EXOC6: variants seen among roughly 807,000 people sequenced by gnomAD.
The protein encoded by EXOC6 is SEC15-like 1.
EXOC6 carries 60 observed loss-of-function variants against 112.5 expected under a neutral mutation model. The ratio of observed to expected loss-of-function variants is 0.53; its 90% confidence interval spans 0.43 to 0.66. EXOC6 has a LOEUF of 0.66. Among genes scored for constraint, EXOC6 ranks in the 30% least tolerant of loss-of-function variants. The probability of loss-of-function intolerance (pLI) is 0.00; values close to 1 mark genes in which losing one functional copy is unlikely to be tolerated. For synonymous variants in EXOC6, 295 were observed against 308.0 expected, an observed-to-expected ratio of 0.96 and a Z score of 0.44; for missense variants, 855 against 957.1, an observed-to-expected ratio of 0.89 and a Z score of 1.41.
In EXOC6 at chr10:93,024,638, G is replaced by A. The variant is rs192715631; in HGVS notation, c.2169+10371G>A. Reference sequence around the variant, plus strand: ...CCACCATGTTGGCCAGGCTGGTTGCGAACTCCTGACCTCAGGTGATCCACC... The same window carrying A: ...CCACCATGTTGGCCAGGCTGGTTGCAAACTCCTGACCTCAGGTGATCCACC... On this transcript the variant is annotated intron_variant, in intron 20 of 21. Coordinates refer to ENST00000260762, the MANE Select transcript of EXOC6 (RefSeq NM_019053.6). 2.4e-3 allele frequency among the ~76,000 whole-genome samples: 364 copies of A among 152,156 alleles called. 1 individual carries two copies. Among genetic ancestry groups the A allele is most frequent in the African/African-American group, 7.9e-3 (330 of 41,512 alleles).
chr10:92,977,583 G>C (rs1842676182), intron 18 of EXOC6, among the ~76,000 whole-genome samples: 1 of 152,032 alleles, frequency 6.6e-6, no homozygotes, highest in Non-Finnish European at 1.5e-5. Flanking sequence ...TATACTAAAT[G>C]ATTGTTAAAT....
chr10:92,990,915 A>G (rs1843206744), intron 18 of EXOC6, among the ~76,000 whole-genome samples: 1 of 152,110 alleles, frequency 6.6e-6, no homozygotes, highest in Admixed American at 6.5e-5. Flanking sequence ...AGACTCTGAG[A>G]GTCAATATCA....
chr10:92,852,918 G>A (rs1847420064), intron 1 of EXOC6, among the ~76,000 whole-genome samples: 1 of 151,942 alleles, frequency 6.6e-6, no homozygotes, highest in Non-Finnish European at 1.5e-5. Flanking sequence ...TATAAGGCCG[G>A]TATAATAAGA....
chr10:92,930,558 A>G (rs1011580316), intron 9 of EXOC6, among the ~76,000 whole-genome samples: 5 of 151,898 alleles, frequency 3.3e-5, no homozygotes, highest in African/African-American at 9.7e-5. Flanking sequence ...TACAAAGTCT[A>G]TCCTCTGACT....
intron 19 of EXOC6, among the ~76,000 whole-genome samples, chr10:93,009,917 A>T (rs1196010335): frequency 6.6e-6 from 1 of 152,258 alleles, no homozygotes; most frequent in Non-Finnish European, 1.5e-5. Flanking sequence ...CACAAGTCAC[A>T]TCTGTGTAAA....
chr10:92,834,600 GT>G (rs1397050658), upstream of EXOC6: 1 of 633,794 alleles, frequency 1.6e-6, no homozygotes, highest in Admixed American at 3.1e-5. Flanking sequence ...CAGTGAGCTT[GT>G]TTTTGTTGCT....
chr10:92,983,823 A>G (rs1842912183), intron 18 of EXOC6, among the ~76,000 whole-genome samples: 1 of 152,098 alleles, frequency 6.6e-6, no homozygotes, highest in South Asian at 2.1e-4. Context: ...TTTATATAAA[A>G]TAGTTATACT....
intron 20 of EXOC6, among the ~76,000 whole-genome samples, chr10:93,045,696 T>C (rs767038409): frequency 1.3e-5 from 2 of 152,204 alleles, no homozygotes; most frequent in African/African-American, 4.8e-5. Context: ...TCATCATGAG[T>C]TTCAACGTTT....
chr10:92,918,385 G>C (rs1417903044), intron 7 of EXOC6, among the ~76,000 whole-genome samples: 1 of 151,196 alleles, frequency 6.6e-6, no homozygotes, highest in African/African-American at 2.4e-5. Context: ...TTGTGAATGG[G>C]TGAACAGCTG....
chr10:92,904,303 G>A (rs1465835124), intron 5 of EXOC6, among the ~76,000 whole-genome samples: 2 of 152,040 alleles, frequency 1.3e-5, no homozygotes, highest in African/African-American at 4.8e-5. Flanking sequence ...TTCAATTAAT[G>A]TGGGTAAATA....
intron 19 of EXOC6, among the ~76,000 whole-genome samples, chr10:93,002,674 C>T (rs1369863053): frequency 6.6e-6 from 1 of 152,210 alleles, no homozygotes; most frequent in Non-Finnish European, 1.5e-5. Context: ...TGCTAATCCT[C>T]TGATTGAATC....
rs78023759 is a variant in EXOC6 at position 92,861,062 on chromosome 10, A to G, written c.101+12428A>G. Among the ~76,000 whole-genome samples, 349 of 152,124 alleles carry G rather than the reference A, an allele frequency of 2.3e-3. 1 individual carries two copies. The highest frequency in any genetic ancestry group is 7.8e-3 in the African/African-American group (322 of 41,470). ...TTGCTGACTTAGAATTTAGCTTATTACTCTCATGAAGCTACCAACCTCCTT... is the reference window on the plus strand; with the variant it reads ...TTGCTGACTTAGAATTTAGCTTATTGCTCTCATGAAGCTACCAACCTCCTT... On this transcript the variant is annotated intron_variant, in intron 1 of 21. Transcript: ENST00000260762.
rs1326075998 is a variant in EXOC6, at chr10:92,848,539, G to T, written c.6G>T (p.Ala2=). 5 of 1,403,112 alleles carry T rather than the reference G, an allele frequency of 3.6e-6. No homozygotes were observed. The African/African-American group carries it at 4.5e-5, about 13-fold the overall frequency. The allele number at this position is 1,403,112 out of a possible 1,614,324, so 86.9% of individuals were successfully genotyped here. Residue 2 remains alanine, a synonymous_variant, in exon 1 of 22, where the codon GCG becomes GCT. Transcript: ENST00000260762. M[A]ENSESLGTVP... ...CTCCTCAGCTTCCAGCCAAAATGGC[G>T]GAGAACAGCGAGAGTCTGGGCACCG...
intron 18 of EXOC6, among the ~76,000 whole-genome samples, chr10:92,977,003 T>C (rs1012055471): frequency 6.6e-6 from 1 of 152,242 alleles, no homozygotes; most frequent in Non-Finnish European, 1.5e-5. Flanking sequence ...GCAATAGTTT[T>C]ATACAAAAAA....
Position 92,848,542 on chromosome 10 carries a change from G to T in EXOC6, c.9G>T (p.Glu3Asp), listed in dbSNP as rs757221572. The T allele has an allele frequency of 1.4e-6, 2 of 1,414,200 alleles. No individual in the cohort carries two copies. Among genetic ancestry groups the T allele is most frequent in the Non-Finnish European group, 1.9e-6 (2 of 1,063,666 alleles). The allele number at this position is 1,414,200 out of a possible 1,614,324, so 87.6% of individuals were successfully genotyped here. The change falls in exon 1 of 22, where the codon GAG becomes GAT. Residue 3 changes from glutamate (E) to aspartate (D), a missense_variant. This residue lies in a region of EXOC6 where 405 missense variants were observed against 393.6 expected (regional missense o/e 1.03). Transcript: ENST00000260762. MA[E>D]NSESLGTVPE... ...CTCAGCTTCCAGCCAAAATGGCGGA[G>T]AACAGCGAGAGTCTGGGCACCGTCC... is the stretch of plus-strand genomic sequence containing the variant.
At chr10:92,992,389 A>G (rs1843305315) in intron 18 of EXOC6, among the ~76,000 whole-genome samples, 1 of 152,030 alleles carries the variant, frequency 6.6e-6, no homozygotes, top group South Asian at 2.1e-4. Context: ...TTTATAACAT[A>G]TCTATTCTAT....
chr10:92,886,255 A>G (rs1416983230), intron 1 of EXOC6, among the ~76,000 whole-genome samples: 2 of 152,240 alleles, frequency 1.3e-5, no homozygotes, highest in Non-Finnish European at 2.9e-5. Context: ...AAAGAAAAAA[A>G]GAAAAATAGC....
intron 18 of EXOC6, among the ~76,000 whole-genome samples, chr10:92,984,288 T>A (rs115559084): frequency 0.011 from 1,622 of 152,236 alleles, 34 homozygotes; most frequent in African/African-American, 0.037. Flanking sequence ...TTAAAACATA[T>A]TTTTTTCCTT....
chr10:92,987,895 G>A (rs1843073852), intron 18 of EXOC6, among the ~76,000 whole-genome samples: 1 of 151,962 alleles, frequency 6.6e-6, no homozygotes, highest in African/African-American at 2.4e-5. Context: ...AGGTGCATTT[G>A]GAAACTTCTC....
Sources: allele counts gnomAD v4.1 joint callset (sites outside exome capture counted in the v4.1 genomes callset), GRCh38; gene constraint gnomAD v4.1.1; regional missense constraint gnomAD v4.1.1; transcripts MANE v1.5; gene names NCBI Gene and HGNC (gene_info 2026-07-23, HGNC 2026-07-21).